Variants in SORCS1 observed in about 807,000 individuals in gnomAD.
The protein encoded by SORCS1 is sortilin related VPS10 domain containing receptor 1.
A neutral mutation model predicts 146.1 loss-of-function variants in SORCS1; 60 were observed. That is an observed-to-expected ratio of 0.41 (90% CI 0.33 to 0.51). The LOEUF (loss-of-function observed/expected upper bound fraction) is 0.51. SORCS1 is among the 20% of genes least tolerant of loss of function. The pLI, the probability that SORCS1 is intolerant of heterozygous loss-of-function variation, is 0.21. For synonymous variants in SORCS1, 637 were observed against 584.0 expected (o/e 1.09, Z -1.31); for missense variants, 1,352 against 1,487.6 (o/e 0.91, Z 1.50).
the SORCS1 span, among the ~76,000 whole-genome samples, chr10:107,170,466 T>C: frequency 6.6e-6 from 1 of 152,188 alleles, no homozygotes; most frequent in Non-Finnish European, 1.5e-5. Flanking sequence ...TGATAAGAAG[T>C]CTTTGGTTAT....
chr10:106,682,867 C>A (rs1424605468), intron 10 of SORCS1, among the ~76,000 whole-genome samples: 1 of 152,150 alleles, frequency 6.6e-6, no homozygotes, highest in Non-Finnish European at 1.5e-5. Flanking sequence ...AAATGTACAC[C>A]CAAACCACCA....
At chr10:107,039,318 C>G (rs1959059855) in intron 1 of SORCS1, among the ~76,000 whole-genome samples, 1 of 138,186 alleles carries the variant, frequency 7.2e-6, no homozygotes, top group Non-Finnish European at 1.5e-5. Context: ...CAGAGAGACT[C>G]CATCTCAAAT....
At chr10:107,150,651 T>C (rs72814914) in intron 1 of SORCS1, among the ~76,000 whole-genome samples, 5,754 of 152,294 alleles carry the variant, frequency 0.038, 252 homozygotes, top group African/African-American at 0.11. Context: ...TCTTCAATTG[T>C]AGTTCACATA....
intron 1 of SORCS1, among the ~76,000 whole-genome samples, chr10:107,008,720 G>C (rs902136997): frequency 6.6e-6 from 1 of 152,188 alleles, no homozygotes; most frequent in Non-Finnish European, 1.5e-5. Context: ...TATATGGGCC[G>C]GGTGCGGTGG....
chr10:107,101,233 C>T lies in SORCS1; in HGVS notation c.558+62736G>A, dbSNP rs187329982. On this transcript the variant is annotated intron_variant, in intron 1 of 25. Coordinates refer to ENST00000263054, the MANE Select transcript of SORCS1 (RefSeq NM_052918.5). ...TAATAGTTTATATTTTTATTAGAGA[C>T]GGGGTTTCACCATGTTGACCAGGCT... Among the ~76,000 whole-genome samples the T allele has an allele frequency of 1.1e-3, 169 of 152,276 alleles. 1 individual carries two copies. The highest frequency in any genetic ancestry group is 2.1e-3 in the East Asian group (11 of 5,172).
intron 2 of SORCS1, among the ~76,000 whole-genome samples, chr10:106,949,841 G>T (rs975554163): frequency 2.0e-5 from 3 of 152,226 alleles, no homozygotes; most frequent in Non-Finnish European, 2.9e-5. Context: ...ACTGCAGGTT[G>T]TGTGCTGCTT....
chr10:106,981,169 C>T (rs934772283), intron 1 of SORCS1, among the ~76,000 whole-genome samples: 1 of 152,176 alleles, frequency 6.6e-6, no homozygotes, highest in Admixed American at 6.5e-5. Flanking sequence ...ACACTTACCC[C>T]TCCCTCCAGA....
At chr10:106,904,815 A>G (rs1030998071) in intron 2 of SORCS1, among the ~76,000 whole-genome samples, 1 of 152,202 alleles carries the variant, frequency 6.6e-6, no homozygotes, top group Non-Finnish European at 1.5e-5. Flanking sequence ...GGACTTCTGT[A>G]CTAGCAATGT....
chr10:106,719,324 T>C (rs1051549348), intron 6 of SORCS1, among the ~76,000 whole-genome samples: 9 of 152,098 alleles, frequency 5.9e-5, no homozygotes, highest in Admixed American at 1.3e-4. Context: ...GCACATTTAC[T>C]TAGATGTGTC....
chr10:106,808,236 T>C (rs1265896272), intron 3 of SORCS1, among the ~76,000 whole-genome samples: 2 of 152,172 alleles, frequency 1.3e-5, no homozygotes, highest in African/African-American at 4.8e-5. Flanking sequence ...CAGGAGGGTC[T>C]TGAACTCCCG....
intron 2 of SORCS1, among the ~76,000 whole-genome samples, chr10:106,931,742 G>A (rs1953431852): frequency 6.6e-6 from 1 of 152,082 alleles, no homozygotes; most frequent in Non-Finnish European, 1.5e-5. Flanking sequence ...CTCTGCCCTG[G>A]TAAATTATCT....
At chr10:107,134,204 T>C (rs1590210974) in intron 1 of SORCS1, among the ~76,000 whole-genome samples, 2 of 152,184 alleles carry the variant, frequency 1.3e-5, no homozygotes, top group East Asian at 3.9e-4. Context: ...AAAAAGGAAT[T>C]ATGTGGCCAC....
chr10:106,975,799 C>G (rs772551810), intron 1 of SORCS1, among the ~76,000 whole-genome samples: 7 of 152,170 alleles, frequency 4.6e-5, no homozygotes, highest in Admixed American at 1.3e-4. Context: ...CTTCTTTGAA[C>G]CACAATGAAT....
At chr10:107,134,041 C>T (rs1054890400) in intron 1 of SORCS1, among the ~76,000 whole-genome samples, 5 of 152,154 alleles carry the variant, frequency 3.3e-5, no homozygotes, top group African/African-American at 7.2e-5. Context: ...GCTACTGTTG[C>T]TATTATTACT....
At chr10:107,036,975 G>C (rs75186428) in intron 1 of SORCS1, among the ~76,000 whole-genome samples, 18,762 of 152,218 alleles carry the variant, frequency 0.12, 1,327 homozygotes, top group East Asian at 0.33. Flanking sequence ...GCTGGGCGCG[G>C]TGGCTCATGC....
intron 3 of SORCS1, among the ~76,000 whole-genome samples, chr10:106,781,428 T>C (rs1373020655): frequency 1.3e-5 from 2 of 152,186 alleles, no homozygotes; most frequent in African/African-American, 4.8e-5. Context: ...GGATATCTCT[T>C]TTGCTTTACT....
intron 2 of SORCS1, among the ~76,000 whole-genome samples, chr10:106,890,076 A>G (rs1012543245): frequency 2.0e-5 from 3 of 152,094 alleles, no homozygotes; most frequent in Non-Finnish European, 4.4e-5. Flanking sequence ...TCTGGGTTCT[A>G]CCACAAACAT....
At chr10:107,070,266 T>TTGTGTG (rs35586981) in intron 1 of SORCS1, among the ~76,000 whole-genome samples, 4 of 150,560 alleles carry the variant, frequency 2.7e-5, no homozygotes, top group Non-Finnish European at 3.0e-5. Context: ...CGTAAACAGT[T>TTGTGTG]TGTGTGTGTG....
intron 2 of SORCS1, among the ~76,000 whole-genome samples, chr10:106,837,235 C>T (rs1948824552): frequency 6.6e-6 from 1 of 152,180 alleles, no homozygotes; most frequent in South Asian, 2.1e-4. Context: ...CCACCAGTAT[C>T]ATGACAGTTG....
Sources: gnomAD v4.1 joint callset for allele counts (sites outside exome capture counted in the v4.1 genomes callset) on GRCh38, gnomAD v4.1.1 for gene constraint, MANE v1.5 for transcripts, NCBI Gene and HGNC (gene_info 2026-07-23, HGNC 2026-07-21) for gene names.